Variants in TXNDC16 observed in about 807,000 individuals in gnomAD.
TXNDC16 encodes the protein thioredoxin domain-containing protein 16.
In TXNDC16, 74 loss-of-function variants were observed where a neutral mutation model predicts 85.6. That is an observed-to-expected ratio of 0.86 (90% CI 0.72 to 1.05). TXNDC16 has a LOEUF of 1.05. Among genes scored for constraint, TXNDC16 ranks in the 50% least tolerant of loss-of-function variants. TXNDC16 has a pLI of 0.00. For synonymous variants in TXNDC16, 335 were observed against 326.5 expected, an observed-to-expected ratio of 1.03 and a Z score of -0.28; for missense variants, 959 against 947.0, an observed-to-expected ratio of 1.01 and a Z score of -0.17.
intron 18 of TXNDC16, among the ~76,000 whole-genome samples, chr14:52,448,828 G>GTTTT (rs2035342355): frequency 1.3e-5 from 2 of 151,976 alleles, no homozygotes; most frequent in African/African-American, 4.8e-5. Flanking sequence ...AGAGTGTAGA[G>GTTTT]TTTTTATTAG....
At position 52,468,446 on chromosome 14, in the gene TXNDC16, C is replaced by T. The variant is rs1374371977; in HGVS notation, c.1618+1591G>A. ...TAAAAAAATTTTAAACTGTGATATACAAAATTATCATTAAACAAAGCTAAA... is the reference window on the plus strand; with the variant it reads ...TAAAAAAATTTTAAACTGTGATATATAAAATTATCATTAAACAAAGCTAAA... On this transcript the variant is annotated intron_variant, in intron 16 of 20. Transcript: ENST00000281741. Among the ~76,000 whole-genome samples, 4 of 151,892 alleles carry T rather than the reference C, an allele frequency of 2.6e-5. No individual in the cohort carries two copies. The East Asian group carries it at 7.7e-4, about 29-fold the overall frequency.
chr14:52,450,921 A>G (rs1260012649), intron 18 of TXNDC16, among the ~76,000 whole-genome samples: 5 of 151,674 alleles, frequency 3.3e-5, no homozygotes, highest in Non-Finnish European at 5.9e-5. Flanking sequence ...ATACATACAC[A>G]CACATTGTGG....
chr14:52,440,820 G>C, intron 18 of TXNDC16, 96 bp from the exon 19 acceptor site: 4 of 1,159,638 alleles, frequency 3.4e-6, no homozygotes, highest in Non-Finnish European at 4.8e-6. Flanking sequence ...ATTTTAGTTT[G>C]TAAAATGTAA....
intron 9 of TXNDC16, among the ~76,000 whole-genome samples, chr14:52,500,510 A>G (rs1312222275): frequency 6.6e-6 from 1 of 152,198 alleles, no homozygotes; most frequent in Non-Finnish European, 1.5e-5. Flanking sequence ...CAGTCGTGCA[A>G]TATGACAAAG....
At chr14:52,464,314 A>G (rs953488829) in intron 16 of TXNDC16, among the ~76,000 whole-genome samples, 1 of 152,144 alleles carries the variant, frequency 6.6e-6, no homozygotes, top group African/African-American at 2.4e-5. Flanking sequence ...CAGATTGCTT[A>G]GGGCTAAGTT....
Position 52,490,944 on chromosome 14 carries a change from A to G in TXNDC16, c.818T>C (p.Leu273Pro). ...STVHLQLGLP[L>P]VFIVSQQATY... ...AGCCTGTTGGCTAACAATAAAAACCAGTGGTAAGCCCAGTTGGAGATGGAC... is the reference window on the plus strand; with the variant it reads ...AGCCTGTTGGCTAACAATAAAAACCGGTGGTAAGCCCAGTTGGAGATGGAC... Residue 273 changes from leucine to proline, a missense_variant, in exon 10 of 21, where the codon CTG becomes CCG. Coordinates refer to ENST00000281741, the MANE Select transcript of TXNDC16 (RefSeq NM_020784.3). 1 of 1,612,756 alleles carries G rather than the reference A, an allele frequency of 6.2e-7. No individual in the cohort carries two copies. The highest frequency in any genetic ancestry group is 8.5e-7 in the Non-Finnish European group (1 of 1,179,544).
intron 18 of TXNDC16, among the ~76,000 whole-genome samples, chr14:52,447,578 C>G (rs2035314021): frequency 6.6e-6 from 1 of 152,154 alleles, no homozygotes; most frequent in South Asian, 2.1e-4. Context: ...GAGAGACGGA[C>G]TCCATTTGTT....
chr14:52,525,670 G>A (rs973323575), intron 6 of TXNDC16, among the ~76,000 whole-genome samples: 3 of 150,174 alleles, frequency 2.0e-5, no homozygotes, highest in Middle Eastern at 3.6e-3. Flanking sequence ...TGCACTCCAG[G>A]CTGGGCGACA....
At chr14:52,474,639 A>T (rs1314079510) in intron 14 of TXNDC16, among the ~76,000 whole-genome samples, 1 of 152,068 alleles carries the variant, frequency 6.6e-6, no homozygotes, top group African/African-American at 2.4e-5. Flanking sequence ...CTGAGGCAGG[A>T]GAATCACTTG....
intron 9 of TXNDC16, among the ~76,000 whole-genome samples, chr14:52,492,537 A>G (rs886589874): frequency 6.6e-6 from 1 of 152,150 alleles, no homozygotes; most frequent in Non-Finnish European, 1.5e-5. Context: ...ATGTGTGAGA[A>G]TCTGCAACAG....
rs1470210149 is a variant in TXNDC16, at chr14:52,511,260, T to C, written c.736A>G (p.Thr246Ala). 2.5e-6 allele frequency: 4 copies of C among 1,578,084 alleles called. No homozygotes were observed. Among genetic ancestry groups the C allele is most frequent in the Non-Finnish European group, 3.5e-6 (4 of 1,158,668 alleles). ...TTLNIHLFIK[T>A]MKAPLLTEVA... Reference sequence around the variant, plus strand: ...CATACCAACAGAGGTGCTTTCATTGTCTTAATAAACAGGTGAATGTTCAGT... The same window carrying C: ...CATACCAACAGAGGTGCTTTCATTGCCTTAATAAACAGGTGAATGTTCAGT... Residue 246 changes from threonine (T) to alanine (A), a missense_variant, in exon 9 of 21, where the codon ACA (threonine) becomes GCA (alanine). By Grantham distance (58) the Thr-to-Ala change is moderately conservative. Coordinates refer to ENST00000281741, the MANE Select transcript of TXNDC16 (RefSeq NM_020784.3).
chr14:52,525,180 C>T (rs1183330757), intron 6 of TXNDC16, among the ~76,000 whole-genome samples: 3 of 152,012 alleles, frequency 2.0e-5, no homozygotes, highest in African/African-American at 7.2e-5. Flanking sequence ...CCAACTGCCA[C>T]ACCATGAACT....
chr14:52,434,940 C>T (rs1231911827), intron 20 of TXNDC16, among the ~76,000 whole-genome samples: 1 of 152,228 alleles, frequency 6.6e-6, no homozygotes, highest in Non-Finnish European at 1.5e-5. Flanking sequence ...ACACGCCAGT[C>T]TCTCAGAAAA....
intron 16 of TXNDC16, among the ~76,000 whole-genome samples, chr14:52,458,994 G>A (rs2035595349): frequency 6.6e-6 from 1 of 151,954 alleles, no homozygotes; most frequent in South Asian, 2.1e-4. Flanking sequence ...TTCAAAACCA[G>A]GCATATTCTC....
intron 14 of TXNDC16, among the ~76,000 whole-genome samples, chr14:52,472,655 T>A (rs576469866): frequency 6.6e-6 from 1 of 152,334 alleles, no homozygotes; most frequent in East Asian, 1.9e-4. Flanking sequence ...TATGAGCATA[T>A]AAACAAATAT....
At chr14:52,536,628 C>A in intron 6 of TXNDC16, 91 bp downstream of exon 6, 2 of 1,114,848 alleles carry the variant, frequency 1.8e-6, no homozygotes, top group Non-Finnish European at 2.5e-6. Flanking sequence ...ATGTTAAAAC[C>A]CTGAAATATT....
intron 9 of TXNDC16, among the ~76,000 whole-genome samples, chr14:52,494,857 T>C (rs569882005): frequency 6.6e-6 from 1 of 152,322 alleles, no homozygotes; most frequent in Non-Finnish European, 1.5e-5. Flanking sequence ...CATCAATGAA[T>C]GGACAGTAAG....
chr14:52,540,760 A>T (rs972886003), intron 4 of TXNDC16, among the ~76,000 whole-genome samples: 2 of 152,240 alleles, frequency 1.3e-5, no homozygotes, highest in Non-Finnish European at 2.9e-5. Flanking sequence ...CTCTCCAAAG[A>T]AAAGGACAGG....
intron 14 of TXNDC16, 32 bp from the exon 15 acceptor site, chr14:52,470,712 A>G: frequency 6.4e-7 from 1 of 1,561,644 alleles, no homozygotes; most frequent in East Asian, 2.3e-5. Flanking sequence ...ATTTGTAATT[A>G]CTAATTGTAG....
Sources: gnomAD v4.1 joint callset for allele counts (sites outside exome capture counted in the v4.1 genomes callset) on GRCh38, gnomAD v4.1.1 for gene constraint, MANE v1.5 for transcripts, NCBI Gene and HGNC (gene_info 2026-07-23, HGNC 2026-07-21) for gene names.